Variants in SSBP4 observed in about 807,000 individuals in gnomAD.
SSBP4 encodes single-stranded DNA-binding protein 4.
A neutral mutation model predicts 64.6 loss-of-function variants in SSBP4; 33 were observed. That is an observed-to-expected ratio of 0.51 (90% CI 0.39 to 0.68). SSBP4 has a LOEUF of 0.68. Among genes scored for constraint, SSBP4 ranks in the 30% least tolerant of loss-of-function variants. The probability of loss-of-function intolerance (pLI) is 0.00; values close to 1 mark genes in which losing one functional copy is unlikely to be tolerated. For synonymous variants in SSBP4, 243 were observed against 224.0 expected, an observed-to-expected ratio of 1.08 and a Z score of -0.76; for missense variants, 583 against 566.8, an observed-to-expected ratio of 1.03 and a Z score of -0.29.
chr19:18,405,827 TAAAAATAC>T, the SSBP4 span, among the ~76,000 whole-genome samples: 1 of 152,028 alleles, frequency 6.6e-6, no homozygotes, highest in African/African-American at 2.4e-5. Context: ...CTGTCTCTAC[TAAAAATAC>T]AAAAAATTAG....
chr19:18,427,400 T>G lies in SSBP4; in HGVS notation c.109T>G (p.Ser37Ala). ...CCTGCTGCACATCGGTGCCCAGAAG[T>G]CAGCCCAGACCTTCCTGTCTGAGGT... ...EYLLHIGAQK[S>A]AQTFLSEIRW... Residue 37 changes from serine (S) to alanine (A), a missense_variant, in exon 2 of 18, where the codon TCA becomes GCA. Physicochemically the swap from Ser to Ala is moderately conservative, Grantham distance 99. Transcript: ENST00000270061. The surrounding 1 kb of genome is among the most constrained non-coding windows in gnomAD (Gnocchi z 4.4). The G allele has an allele frequency of 6.2e-7, 1 of 1,610,822 alleles. No homozygotes were observed. The highest frequency in any genetic ancestry group is 8.5e-7 in the Non-Finnish European group (1 of 1,179,860).
Position 18,431,884 on chromosome 19 carries a change from C to A in SSBP4, c.565+22C>A, listed in dbSNP as rs202024043. 3.2e-6 allele frequency: 5 copies of A among 1,566,846 alleles called. No homozygotes were observed. In the African/African-American group the frequency reaches 5.4e-5, roughly 17 times the overall value. On this transcript the variant is annotated intron_variant, in intron 8 of 17. Coordinates refer to ENST00000270061, the MANE Select transcript of SSBP4 (RefSeq NM_032627.5). Reference sequence around the variant, plus strand: ...CAGGGTGAGTAGGGAAGCTCCAGCCCCTATCCCGCCATCAATCAGAATTCC... The same window carrying A: ...CAGGGTGAGTAGGGAAGCTCCAGCCACTATCCCGCCATCAATCAGAATTCC...
At chr19:18,402,759 T>A in the SSBP4 span, among the ~76,000 whole-genome samples, 2 of 152,168 alleles carry the variant, frequency 1.3e-5, no homozygotes, top group East Asian at 3.8e-4. Context: ...CACAATGCAC[T>A]GCAGAAAGCC....
At chr19:18,403,137 G>C in the SSBP4 span, among the ~76,000 whole-genome samples, 2 of 152,200 alleles carry the variant, frequency 1.3e-5, no homozygotes, top group African/African-American at 4.8e-5. Context: ...TATAAATCTG[G>C]CCTACGTGCA....
In SSBP4 at chr19:18,426,615, C is replaced by T. The variant is rs1223938882; in HGVS notation, c.60-736C>T. On this transcript the variant is annotated intron_variant, in intron 1 of 17. Transcript: ENST00000270061. The surrounding 1 kb of genome is among the most constrained non-coding windows in gnomAD (Gnocchi z 4.5). ...GCCGTGCTGGAGCCACCTGGCTGGG[C>T]GAGGGTGACTCAGGTCCAAGCCCTT... 1.3e-5 allele frequency among the ~76,000 whole-genome samples: 2 copies of T among 152,174 alleles called. No homozygotes were observed. Among genetic ancestry groups the T allele is most frequent in the Admixed American group, 6.5e-5 (1 of 15,288 alleles).
chr19:18,416,135 C>T (rs1877247456), upstream of SSBP4, among the ~76,000 whole-genome samples: 1 of 152,116 alleles, frequency 6.6e-6, no homozygotes, highest in Admixed American at 6.6e-5. Context: ...CTGCCTCAGC[C>T]TCCTGAGTAG....
chr19:18,432,438 C>T (rs1039603704), intron 10 of SSBP4, 121 bp from the exon 11 acceptor site: 1 of 1,438,170 alleles, frequency 7.0e-7, no homozygotes, highest in Non-Finnish European at 9.4e-7. Flanking sequence ...ACTTTTCCAG[C>T]AACATCTGCT....
intron 4 of SSBP4, among the ~76,000 whole-genome samples, chr19:18,429,502 A>G (rs1973166818): frequency 6.6e-6 from 1 of 150,790 alleles, no homozygotes; most frequent in East Asian, 2.0e-4. Context: ...GTCCCCGACC[A>G]GGAAACGCTC....
At chr19:18,431,045 G>A in intron 5 of SSBP4, 115 bp downstream of exon 5, 1 of 1,261,682 alleles carries the variant, frequency 7.9e-7, no homozygotes, top group Admixed American at 2.1e-5. Flanking sequence ...AGTTGGGTGG[G>A]AGGGTCCTCT....
At chr19:18,422,286 C>A (rs1157436719) in intron 1 of SSBP4, among the ~76,000 whole-genome samples, 2 of 152,100 alleles carry the variant, frequency 1.3e-5, no homozygotes, top group African/African-American at 4.8e-5. Flanking sequence ...CATTCCTGGC[C>A]CCCTTCCCAT....
the SSBP4 span, among the ~76,000 whole-genome samples, chr19:18,408,274 C>T: frequency 4.6e-5 from 7 of 152,130 alleles, no homozygotes; most frequent in African/African-American, 9.7e-5. Flanking sequence ...TAAATGCCTC[C>T]GCTCCCTCCA....
Position 18,434,560 on chromosome 19 carries a change from G to A in SSBP4, c.*314G>A. ...AAATGGAAGCTGGTTTTGGTTTTTG[G>A]TAGCTTGTCTCAGATTCCCTCTTTG... On this transcript the variant is annotated 3_prime_UTR_variant, in exon 18 of 18. Transcript: ENST00000270061. 1.9e-6 allele frequency: 1 copy of A among 529,188 alleles called. No individual in the cohort carries two copies. The allele number at this position is 529,188 out of a possible 1,614,324, so 32.8% of individuals were successfully genotyped here.
At position 18,425,256 on chromosome 19, in the gene SSBP4, G is replaced by A. The variant is rs563087361; in HGVS notation, c.60-2095G>A. Among the ~76,000 whole-genome samples, 437 of 152,182 alleles carry A rather than the reference G, an allele frequency of 2.9e-3. 1 individual carries two copies. The highest frequency in any genetic ancestry group is 5.1e-3 in the Non-Finnish European group (349 of 67,984). On this transcript the variant is annotated intron_variant, in intron 1 of 17. Coordinates refer to ENST00000270061, the MANE Select transcript of SSBP4 (RefSeq NM_032627.5). ...TTGGACAGCCGTGCCCTGGGTGTGGGGTACCCAGAATGCAGCCTCAGCAGG... is the reference window on the plus strand; with the variant it reads ...TTGGACAGCCGTGCCCTGGGTGTGGAGTACCCAGAATGCAGCCTCAGCAGG...
chr19:18,431,064 G>A, intron 5 of SSBP4, 134 bp downstream of exon 5: 1 of 1,068,848 alleles, frequency 9.4e-7, no homozygotes, highest in Non-Finnish European at 1.4e-6. Context: ...CTGTGCCGCA[G>A]GTGTGCCCAG....
In SSBP4 at chr19:18,426,176, T is replaced by C. The variant is rs1019155837; in HGVS notation, c.60-1175T>C. 1.3e-5 allele frequency: 2 copies of C among 152,276 alleles called. No individual in the cohort carries two copies. The highest frequency in any genetic ancestry group is 2.9e-5 in the Non-Finnish European group (2 of 68,196). The allele number at this position is 152,276 out of a possible 1,614,324, so 9.4% of individuals were successfully genotyped here. On this transcript the variant is annotated intron_variant, in intron 1 of 17. Coordinates refer to ENST00000270061, the MANE Select transcript of SSBP4 (RefSeq NM_032627.5). This position sits in a 1 kb window ranked among gnomAD's most constrained non-coding sequence, Gnocchi z 4.5. ...GGGACTTGGGGGCCCTGATGGGTGGTGGGTGCTAGGATTGGAGCAGCCTGG... is the reference window on the plus strand; with the variant it reads ...GGGACTTGGGGGCCCTGATGGGTGGCGGGTGCTAGGATTGGAGCAGCCTGG...
intron 4 of SSBP4, among the ~76,000 whole-genome samples, chr19:18,429,381 G>T (rs921321675): frequency 1.3e-5 from 2 of 152,040 alleles, no homozygotes; most frequent in Non-Finnish European, 2.9e-5. Context: ...GACGTAGGGG[G>T]TCTGGCCCGG....
rs1315337034 is a variant in SSBP4 at position 18,433,868 on chromosome 19, C to CA, written c.1128+51_1128+52insA. ...CCGCGGCGGCGTCGGGCCGGAGGGG[C>CA]TGGCGGGCAGGCCCCGGCGGGGCGG... On this transcript the variant is annotated intron_variant, in intron 17 of 17. Transcript: ENST00000270061. 1.7e-6 allele frequency: 2 copies of CA among 1,174,552 alleles called. 1 individual carries two copies. 72.8% of individuals were successfully genotyped at this position (1,174,552 alleles called of 1,614,324 possible). A position where few individuals can be genotyped will look rare whatever the true frequency, so the allele number is the denominator to read the frequency against.
chr19:18,414,095 T>C (rs995026489), upstream of SSBP4, among the ~76,000 whole-genome samples: 5 of 151,930 alleles, frequency 3.3e-5, no homozygotes, highest in African/African-American at 1.2e-4. Context: ...AAGCTGGCGG[T>C]GGGGAGTGCA....
chr19:18,424,971 C>T (rs1205477165), intron 1 of SSBP4, among the ~76,000 whole-genome samples: 1 of 151,798 alleles, frequency 6.6e-6, no homozygotes, highest in African/African-American at 2.4e-5. Flanking sequence ...GCCATAGCAC[C>T]CTCTGGACAG....
Sources: allele counts gnomAD v4.1 joint callset (sites outside exome capture counted in the v4.1 genomes callset), GRCh38; gene constraint gnomAD v4.1.1; non-coding constraint Gnocchi (gnomAD v3.1); transcripts MANE v1.5; gene names NCBI Gene and HGNC (gene_info 2026-07-23, HGNC 2026-07-21).